The following RIC8B variants were observed in gnomAD, a reference collection of about 807,000 sequenced individuals.
The protein encoded by RIC8B is chaperone Ric-8B.
In RIC8B, 16 loss-of-function variants were observed where a neutral mutation model predicts 57.5. The ratio of observed to expected loss-of-function variants is 0.28; its 90% CI spans 0.19 to 0.42. The LOEUF is 0.42. Ranked by LOEUF, RIC8B falls within the 10% of genes least tolerant of loss-of-function variation. The pLI is 1.00. For missense variants in RIC8B, 481 were observed against 677.0 expected (o/e 0.71, Z 3.21); for synonymous variants, 216 against 250.8 (o/e 0.86, Z 1.31).
intron 1 of RIC8B, among the ~76,000 whole-genome samples, chr12:106,781,506 C>G (rs1371624053): frequency 6.6e-6 from 1 of 152,164 alleles, no homozygotes; most frequent in Non-Finnish European, 1.5e-5. Context: ...TCCAAACACT[C>G]TTAGAGGTTT....
chr12:106,805,701 T>C (rs751765653), intron 2 of RIC8B, among the ~76,000 whole-genome samples: 1 of 152,218 alleles, frequency 6.6e-6, no homozygotes, highest in Non-Finnish European at 1.5e-5. Context: ...ATTATCCTGC[T>C]TAATACTCTG....
At chr12:106,793,851 G>A (rs1340359301) in intron 2 of RIC8B, among the ~76,000 whole-genome samples, 1 of 149,140 alleles carries the variant, frequency 6.7e-6, no homozygotes, top group African/African-American at 2.5e-5. Flanking sequence ...AAATACAATA[G>A]CAACTCCTGG....
chr12:106,780,389 A>C (rs1342925730), intron 1 of RIC8B, among the ~76,000 whole-genome samples: 1 of 152,228 alleles, frequency 6.6e-6, no homozygotes, highest in Non-Finnish European at 1.5e-5. Context: ...TAGGAGAAGA[A>C]AACAAGACTG....
chr12:106,809,135 A>G (rs567246677), intron 2 of RIC8B, among the ~76,000 whole-genome samples: 75 of 152,200 alleles, frequency 4.9e-4, no homozygotes, highest in Non-Finnish European at 9.4e-4. Context: ...CATAATTTAC[A>G]GTGGAAATTA....
intron 3 of RIC8B, chr12:106,822,784 C>G (rs2045910885): frequency 6.6e-6 from 1 of 152,272 alleles, no homozygotes; most frequent in Admixed American, 6.5e-5. Context: ...TAGCACTGCT[C>G]TCAAACAATG....
At chr12:106,885,834 TGGGGGGGA>T in intron 9 of RIC8B, 62 bp from the exon 10 acceptor site, 1 of 696,460 alleles carries the variant, frequency 1.4e-6, no homozygotes, top group Non-Finnish European at 2.1e-6. Context: ...TGGATTTGGG[TGGGGGGGA>T]GGGGTGTGTG....
At chr12:106,868,922 T>C (rs914410121) in intron 8 of RIC8B, among the ~76,000 whole-genome samples, 4 of 147,722 alleles carry the variant, frequency 2.7e-5, no homozygotes, top group African/African-American at 1.0e-4. Context: ...GTTTCTCAAG[T>C]GATTCTAATG....
chr12:106,809,522 CAAAAAAA>C (rs201411394), intron 2 of RIC8B, among the ~76,000 whole-genome samples: 2 of 105,588 alleles, frequency 1.9e-5, no homozygotes, highest in South Asian at 5.9e-4. Flanking sequence ...ACTCTTGTCT[CAAAAAAA>C]AAAAAAAAAA....
chr12:106,849,287 GTTTATTTATTTATTTATTTA>G (rs60536359), intron 6 of RIC8B, among the ~76,000 whole-genome samples: 14 of 143,966 alleles, frequency 9.7e-5, no homozygotes, highest in African/African-American at 3.1e-4. Flanking sequence ...TTTTTAAATA[GTTTATTTATTTATTTATTTA>G]TTTATTTATT....
intron 3 of RIC8B, among the ~76,000 whole-genome samples, chr12:106,824,731 A>G (rs919600287): frequency 2.6e-5 from 4 of 151,794 alleles, no homozygotes; most frequent in African/African-American, 9.7e-5. Flanking sequence ...CCCTGTCTCT[A>G]CTAAAAATAC....
chr12:106,837,634 C>CTTT lies in RIC8B; in HGVS notation c.837-4953_837-4951dup, dbSNP rs1298629651. Reference sequence around the variant, plus strand: ...AAATTATTTATTTACATCTGAAAATCTTTTGTTTTTTTTTTTTTTTTTTTT... The same window carrying CTTT: ...AAATTATTTATTTACATCTGAAAATCTTTTTTTGTTTTTTTTTTTTTTTTTTTT... On this transcript the variant is annotated intron_variant, in intron 4 of 9. Coordinates refer to ENST00000392837, the MANE Select transcript of RIC8B (RefSeq NM_001330145.2). Among the ~76,000 whole-genome samples, 362 of 122,090 alleles carry CTTT rather than the reference C, an allele frequency of 3.0e-3. 2 individuals are homozygous for CTTT. The highest frequency in any genetic ancestry group is 0.014 in the South Asian group (55 of 3,826). 80.1% of individuals were successfully genotyped at this position (122,090 alleles called of 152,430 possible). A position where few individuals can be genotyped will look rare whatever the true frequency, so the allele number is the denominator to read the frequency against.
intron 8 of RIC8B, among the ~76,000 whole-genome samples, chr12:106,861,149 T>C (rs1169211419): frequency 6.6e-6 from 1 of 152,076 alleles, no homozygotes; most frequent in Non-Finnish European, 1.5e-5. Context: ...TTAGGAGTTA[T>C]TTGAGCTATG....
At chr12:106,784,799 A>G (rs573973258) in intron 2 of RIC8B, among the ~76,000 whole-genome samples, 18 of 152,356 alleles carry the variant, frequency 1.2e-4, no homozygotes, top group African/African-American at 3.6e-4. Flanking sequence ...GTATTTTGCT[A>G]GTAGTGGGTT....
chr12:106,828,189 A>T (rs2046197823), intron 4 of RIC8B, among the ~76,000 whole-genome samples: 1 of 152,196 alleles, frequency 6.6e-6, no homozygotes, highest in Non-Finnish European at 1.5e-5. Flanking sequence ...AGGATTTATG[A>T]GTATTTCTCA....
intron 2 of RIC8B, chr12:106,797,828 C>T (rs1265995277): frequency 2.3e-5 from 11 of 477,442 alleles, no homozygotes; most frequent in East Asian, 1.7e-4. Context: ...AGAAATTACT[C>T]GCTGAAAATA....
At chr12:106,883,373 T>G (rs941662161) in intron 9 of RIC8B, among the ~76,000 whole-genome samples, 1 of 152,174 alleles carries the variant, frequency 6.6e-6, no homozygotes, top group African/African-American at 2.4e-5. Flanking sequence ...GTAATTTACG[T>G]CAGTGCTAGA....
At chr12:106,857,838 C>T (rs1949769205) in intron 7 of RIC8B, among the ~76,000 whole-genome samples, 1 of 152,144 alleles carries the variant, frequency 6.6e-6, no homozygotes. Flanking sequence ...TTTCATTTGT[C>T]TCACCTTCTC....
intron 1 of RIC8B, among the ~76,000 whole-genome samples, chr12:106,783,107 T>C (rs1218057527): frequency 1.1e-4 from 16 of 152,202 alleles, no homozygotes; most frequent in African/African-American, 3.6e-4. Flanking sequence ...GTAGAAAATA[T>C]AGTATTGCCA....
At chr12:106,790,571 A>G (rs1201615571) in intron 2 of RIC8B, among the ~76,000 whole-genome samples, 1 of 152,190 alleles carries the variant, frequency 6.6e-6, no homozygotes, top group African/African-American at 2.4e-5. Context: ...TGTCATGCAA[A>G]TATGTAGGAT....
Sources: gnomAD v4.1 joint callset for allele counts (sites outside exome capture counted in the v4.1 genomes callset) on GRCh38, gnomAD v4.1.1 for gene constraint, MANE v1.5 for transcripts, NCBI Gene and HGNC (gene_info 2026-07-23, HGNC 2026-07-21) for gene names.